The following ZNF483 variants were observed in gnomAD, a reference collection of about 807,000 sequenced individuals.
The protein encoded by ZNF483 is zinc finger protein 483, also known as zinc finger protein HIT-10.
A neutral mutation model predicts 28.6 loss-of-function variants in ZNF483; 9 were observed. That is an observed-to-expected ratio of 0.32 (90% CI 0.19 to 0.55). The LOEUF (loss-of-function observed/expected upper bound fraction) is 0.55, where lower values mean the gene tolerates loss of function less well. Ranked by LOEUF, ZNF483 falls within the 20% of genes least tolerant of loss-of-function variation. The pLI is 0.93. For synonymous variants in ZNF483, 322 were observed against 306.2 expected, an observed-to-expected ratio of 1.05 and a Z score of -0.54; for missense variants, 675 against 871.7, an observed-to-expected ratio of 0.77 and a Z score of 2.84.
chr9:111,532,223 G>A (rs774109019), intron 3 of ZNF483, among the ~76,000 whole-genome samples: 4 of 152,076 alleles, frequency 2.6e-5, no homozygotes, highest in Non-Finnish European at 4.4e-5. Flanking sequence ...TGGTAGAGCT[G>A]TAAGGGGGAA....
At position 111,551,809 on chromosome 9, in the gene ZNF483, C is replaced by T. The variant is rs1827967379; in HGVS notation, c.*8639C>T. Among the ~76,000 whole-genome samples, 2 of 152,118 alleles carry T rather than the reference C, an allele frequency of 1.3e-5. No homozygotes were observed. The highest frequency in any genetic ancestry group is 1.3e-4 in the Admixed American group (2 of 15,276). ...ACTTTCAAAACTTTTTAAGTAAATT[C>T]AGTAACATATCAATTCAGTTTATTA... On this transcript the variant is annotated 3_prime_UTR_variant, in exon 6 of 6. Transcript: ENST00000309235.
In ZNF483 at chr9:111,544,350, G is replaced by A. The variant is rs1827756124; in HGVS notation, c.*1180G>A. ...ACAATTTGCTTGGGTGTGTGTGCATGTGTGTGTGTGTGTGTGTGTGTGTAT... is the reference window on the plus strand; with the variant it reads ...ACAATTTGCTTGGGTGTGTGTGCATATGTGTGTGTGTGTGTGTGTGTGTAT... On this transcript the variant is annotated 3_prime_UTR_variant, in exon 6 of 6. Transcript: ENST00000309235. 1 of 654,674 alleles carries A rather than the reference G, an allele frequency of 1.5e-6. No individual in the cohort carries two copies. Among genetic ancestry groups the A allele is most frequent in the Non-Finnish European group, 1.8e-6 (1 of 553,722 alleles). The allele number at this position is 654,674 out of a possible 1,614,324, so 40.6% of individuals were successfully genotyped here. A position where few individuals can be genotyped will look rare whatever the true frequency, so the allele number is the denominator to read the frequency against.
chr9:111,557,420 C>T (rs1016180534), downstream of ZNF483, among the ~76,000 whole-genome samples: 9 of 147,366 alleles, frequency 6.1e-5, no homozygotes, highest in Admixed American at 4.8e-4. Context: ...GGTACCATGC[C>T]GTTGAACAGG....
chr9:111,575,417 CCTCATTGTCTTAT>C (rs1829016009), intron 5 of ZNF483: 1 of 152,194 alleles, frequency 6.6e-6, no homozygotes, highest in African/African-American at 2.4e-5. Flanking sequence ...AGTCCAATAA[CCTCATTGTCTTAT>C]AATTTAAAGG....
chr9:111,573,585 G>T (rs1299328273), intron 5 of ZNF483, among the ~76,000 whole-genome samples: 3 of 152,002 alleles, frequency 2.0e-5, no homozygotes, highest in Non-Finnish European at 4.4e-5. Flanking sequence ...CCTTTTTTGG[G>T]GGGGGACCAT....
At chr9:111,535,168 T>C (rs1356511385) in intron 5 of ZNF483, among the ~76,000 whole-genome samples, 1 of 152,236 alleles carries the variant, frequency 6.6e-6, no homozygotes, top group African/African-American at 2.4e-5. Flanking sequence ...CGTGGGAATT[T>C]GTGTGAATGC....
chr9:111,553,743 G>A lies in ZNF483; in HGVS notation c.*10573G>A, dbSNP rs748753810. 7.9e-5 allele frequency among the ~76,000 whole-genome samples: 12 copies of A among 152,346 alleles called. No homozygotes were observed. In the South Asian group the frequency reaches 2.1e-3, roughly 26 times the overall value. ...GTTTAGTGGAAAAGTATTTGACTCT[G>A]CTTCTGTTTTTAAAATTGTGAAATG... On this transcript the variant is annotated 3_prime_UTR_variant, in exon 6 of 6. Transcript: ENST00000309235.
intron 5 of ZNF483, among the ~76,000 whole-genome samples, chr9:111,537,930 T>A (rs1827558440): frequency 6.6e-6 from 1 of 152,172 alleles, no homozygotes; most frequent in Non-Finnish European, 1.5e-5. Context: ...CCTGGCCCAG[T>A]TATTATTTAA....
chr9:111,543,366 T>G lies in ZNF483; in HGVS notation c.*196T>G. ...GGTAAACAGTAATTAGTTGGTAAAG[T>G]CACTGGAAAGGGAAGAATGCAAAAT... On this transcript the variant is annotated 3_prime_UTR_variant, in exon 6 of 6. Transcript: ENST00000309235. 1 of 1,337,990 alleles carries G rather than the reference T, an allele frequency of 7.5e-7. No individual in the cohort carries two copies. The highest frequency in any genetic ancestry group is 9.5e-7 in the Non-Finnish European group (1 of 1,048,878). 82.9% of individuals were successfully genotyped at this position (1,337,990 alleles called of 1,614,324 possible).
At position 111,533,813 on chromosome 9, in the gene ZNF483, G is replaced by T; in HGVS notation, c.576G>T (p.Lys192Asn). 1 of 1,591,710 alleles carries T rather than the reference G, an allele frequency of 6.3e-7. No homozygotes were observed. Among genetic ancestry groups the T allele is most frequent in the Non-Finnish European group, 8.5e-7 (1 of 1,173,992 alleles). Residue 192 changes from lysine to asparagine, a missense_variant, in exon 4 of 6, where the codon AAG (lysine) becomes AAT (asparagine). By Grantham distance (94) the Lys-to-Asn change is moderately conservative (BLOSUM62 0). Around this residue, in one of 6 missense-constraint regions of ZNF483, gnomAD observed 525 missense variants for 581.8 expected, o/e 0.90. Transcript: ENST00000309235. ...GEWKKLEPFQKELYKEVLLEN... is the reference protein window; with the variant it reads ...GEWKKLEPFQNELYKEVLLEN... ...GGAAGAAGCTGGAGCCTTTTCAAAAGGAGCTATATAAGGAAGTGCTACTGG... is the reference window on the plus strand; with the variant it reads ...GGAAGAAGCTGGAGCCTTTTCAAAATGAGCTATATAAGGAAGTGCTACTGG...
At chr9:111,569,326 G>A in intron 5 of ZNF483, among the ~76,000 whole-genome samples, 1 of 152,162 alleles carries the variant, frequency 6.6e-6, no homozygotes, top group East Asian at 1.9e-4. Context: ...AGAGTCTGAG[G>A]AGGACCAATC....
Position 111,574,705 on chromosome 9 carries a change from A to G in ZNF483, c.722-1660A>G, listed in dbSNP as rs566283799. The G allele has an allele frequency of 8.5e-6, 13 of 1,522,816 alleles. No individual in the cohort carries two copies. In the South Asian group the frequency reaches 1.3e-4, roughly 15 times the overall value. 94.3% of individuals were successfully genotyped at this position (1,522,816 alleles called of 1,614,324 possible). A position where few individuals can be genotyped will look rare whatever the true frequency, so the allele number is the denominator to read the frequency against. ...TTTTCTCCTTGTCCAGCCTTGTGAC[A>G]TATGGGATCGTGTGCATGTGCTCAT... On this transcript the variant is annotated intron_variant, in intron 5 of 5. Transcript: ENST00000358151.
At chr9:111,571,624 C>T (rs1370867295) in intron 5 of ZNF483, among the ~76,000 whole-genome samples, 4 of 151,954 alleles carry the variant, frequency 2.6e-5, no homozygotes, top group Middle Eastern at 3.4e-3. Flanking sequence ...ACTATAGGTG[C>T]ATGCCACCAC....
chr9:111,560,683 C>T (rs1234363975), intron 5 of ZNF483, among the ~76,000 whole-genome samples: 1 of 145,288 alleles, frequency 6.9e-6, no homozygotes. Flanking sequence ...GTGGTTCACG[C>T]GTGTAATCCC....
chr9:111,530,458 C>T (rs146085585), intron 2 of ZNF483, among the ~76,000 whole-genome samples: 84 of 152,102 alleles, frequency 5.5e-4, no homozygotes, highest in Non-Finnish European at 9.7e-4. Context: ...CTCATGGGAA[C>T]CCCAATTTGT....
intron 5 of ZNF483, chr9:111,576,229 A>G: frequency 1.2e-6 from 1 of 835,232 alleles, no homozygotes; most frequent in South Asian, 1.8e-5. Context: ...ACTGAATAGG[A>G]AAAAATATTT....
Position 111,545,917 on chromosome 9 carries a change from T to C in ZNF483, c.*2747T>C, listed in dbSNP as rs779962428. On this transcript the variant is annotated 3_prime_UTR_variant, in exon 6 of 6. Coordinates refer to ENST00000309235, the MANE Select transcript of ZNF483 (RefSeq NM_133464.5). ...CATGTTTTCATTTTTCTTAGGCAGATGCCTGAGGGGAGTTGCTAGGTCATA... is the reference window on the plus strand; with the variant it reads ...CATGTTTTCATTTTTCTTAGGCAGACGCCTGAGGGGAGTTGCTAGGTCATA... Among the ~76,000 whole-genome samples, 1 of 152,198 alleles carries C rather than the reference T, an allele frequency of 6.6e-6. No homozygotes were observed. The highest frequency in any genetic ancestry group is 1.5e-5 in the Non-Finnish European group (1 of 68,022).
At chr9:111,574,999 CA>C (rs1357658568) in intron 5 of ZNF483, among the ~76,000 whole-genome samples, 1 of 152,164 alleles carries the variant, frequency 6.6e-6, no homozygotes, top group Non-Finnish European at 1.5e-5. Flanking sequence ...TAGAAAAAGA[CA>C]TTAGAAACAG....
intron 5 of ZNF483, chr9:111,576,349 C>T: frequency 1.9e-6 from 3 of 1,613,776 alleles, no homozygotes; most frequent in Non-Finnish European, 2.5e-6. Context: ...ACTAAGCTTT[C>T]CCTGGTCACT....
Sources: gnomAD v4.1 joint callset for allele counts (sites outside exome capture counted in the v4.1 genomes callset) on GRCh38, gnomAD v4.1.1 for gene constraint, gnomAD v4.1.1 regional missense constraint, MANE v1.5 for transcripts, NCBI Gene and HGNC (gene_info 2026-07-23, HGNC 2026-07-21) for gene names.